Variants in ASNSD1 observed in about 807,000 individuals in gnomAD.
ASNSD1 encodes the protein asparagine synthetase domain-containing protein 1.
In ASNSD1, 36 loss-of-function variants were observed where a neutral mutation model predicts 48.3. The observed-to-expected ratio is 0.75, with a 90% confidence interval of 0.57 to 0.99. The LOEUF is 0.99. Ranked by LOEUF, ASNSD1 falls within the 50% of genes least tolerant of loss-of-function variation. The pLI is 0.00. For missense variants in ASNSD1, 714 were observed against 758.2 expected, an observed-to-expected ratio of 0.94 and a Z score of 0.69; for synonymous variants, 257 against 262.1, an observed-to-expected ratio of 0.98 and a Z score of 0.19.
chr2:189,663,747 A>G (rs2032726450), intron 1 of ASNSD1, among the ~76,000 whole-genome samples, 154 bp from the exon 2 acceptor site: 1 of 152,208 alleles, frequency 6.6e-6, no homozygotes, highest in East Asian at 1.9e-4. Flanking sequence ...ACTCCTGTTG[A>G]AAATGATCTG....
At chr2:189,665,205 A>G (rs2032757920) in intron 2 of ASNSD1, among the ~76,000 whole-genome samples, 171 bp from the exon 3 acceptor site, 1 of 152,038 alleles carries the variant, frequency 6.6e-6, no homozygotes, top group Non-Finnish European at 1.5e-5. Flanking sequence ...CAGTAGTAGC[A>G]ATTTCTGGTA....
chr2:189,667,911 G>A lies in ASNSD1; in HGVS notation c.1612G>A (p.Asp538Asn), dbSNP rs1335743053. Residue 538 changes from aspartate (D) to asparagine (N), a missense_variant, in exon 5 of 6, where the codon GAC (aspartate) becomes AAC (asparagine). Transcript: ENST00000260952. The stretch of plus-strand genomic sequence containing the variant: ...TTCTTCTAGAAATCTTGGTCGTGAT[G>A]ACAGAGTTATTGGTGATCATGGAAA... ...RISSRNLGRD[D>N]RVIGDHGKEA... is the part of the protein sequence containing the mutation. 2.5e-6 allele frequency: 4 copies of A among 1,613,410 alleles called. No homozygotes were observed. Among genetic ancestry groups the A allele is most frequent in the Non-Finnish European group, 3.4e-6 (4 of 1,179,858 alleles).
intron 1 of ASNSD1, among the ~76,000 whole-genome samples, chr2:189,662,468 G>A (rs1486107535): frequency 6.6e-6 from 1 of 152,152 alleles, no homozygotes; most frequent in African/African-American, 2.4e-5. Context: ...TAAATGTTAA[G>A]TCTCAAAGAA....
intron 1 of ASNSD1, among the ~76,000 whole-genome samples, chr2:189,661,819 C>A (rs943849226): frequency 2.6e-5 from 4 of 152,182 alleles, no homozygotes; most frequent in Non-Finnish European, 5.9e-5. Context: ...TGAAATTTGT[C>A]CCGAGACTGG....
chr2:189,664,896 G>A (rs2032750231), intron 2 of ASNSD1, among the ~76,000 whole-genome samples: 1 of 152,192 alleles, frequency 6.6e-6, no homozygotes, highest in Admixed American at 6.5e-5. Flanking sequence ...TCATGGTAGT[G>A]CACAAAGATT....
In ASNSD1 at chr2:189,666,649, G is replaced by T; in HGVS notation, c.517G>T (p.Val173Phe). 4 of 1,614,166 alleles carry T rather than the reference G, an allele frequency of 2.5e-6. No homozygotes were observed. The highest frequency in any genetic ancestry group is 2.2e-5 in the East Asian group (1 of 44,888). ...TGGATTGGCAAATCAGTGGCAAGAA[G>T]TTCCAGCATCTGGACTTTTCAGAAT... ...TSGLANQWQE[V>F]PASGLFRIDL... Residue 173 changes from valine to phenylalanine, a missense_variant, in exon 4 of 6, where the codon GTT becomes TTT. Coordinates refer to ENST00000260952, the MANE Select transcript of ASNSD1 (RefSeq NM_019048.4).
chr2:189,669,658 T>C (rs2032888681), intron 5 of ASNSD1, among the ~76,000 whole-genome samples: 1 of 152,220 alleles, frequency 6.6e-6, no homozygotes, highest in South Asian at 2.1e-4. Flanking sequence ...CTAGTGTAAC[T>C]GTATTGCATT....
intron 5 of ASNSD1, among the ~76,000 whole-genome samples, chr2:189,669,788 T>C (rs1461818359): frequency 6.6e-6 from 1 of 152,132 alleles, no homozygotes; most frequent in African/African-American, 2.4e-5. Context: ...TGTTTCTAGG[T>C]CATCCCAGAA....
intron 2 of ASNSD1, 135 bp downstream of exon 2, chr2:189,664,089 T>C: frequency 3.0e-6 from 1 of 328,760 alleles, no homozygotes; most frequent in Non-Finnish European, 5.5e-6. Context: ...TCTTTTAAAA[T>C]TGCAAGTGTC....
chr2:189,666,304 G>T lies in ASNSD1; in HGVS notation c.172G>T (p.Gly58Cys). The T allele has an allele frequency of 6.2e-7, 1 of 1,613,956 alleles. No individual in the cohort carries two copies. The highest frequency in any genetic ancestry group is 8.5e-7 in the Non-Finnish European group (1 of 1,179,934). ...LFSAHVLHLR[G>C]VLTTQPVEDE... ...TTCTGCTCACGTCCTACACTTGAGG[G>T]GTGTTTTGACTACCCAGCCTGTGGA... is the stretch of plus-strand genomic sequence containing the variant. Residue 58 changes from glycine (G) to cysteine (C), a missense_variant, in exon 4 of 6, where the codon GGT becomes TGT. By Grantham distance (159) the Gly-to-Cys change is radical. Transcript: ENST00000260952.
chr2:189,663,241 T>A (rs531564297), intron 1 of ASNSD1, among the ~76,000 whole-genome samples: 2,897 of 151,388 alleles, frequency 0.019, 87 homozygotes, highest in African/African-American at 0.064. Flanking sequence ...ATATATATAT[T>A]TTTTAAATTA....
chr2:189,667,829 T>C lies in ASNSD1; in HGVS notation c.1530T>C (p.Phe510=). The C allele has an allele frequency of 6.2e-7, 1 of 1,614,108 alleles. No homozygotes were observed. Among genetic ancestry groups the C allele is most frequent in the Non-Finnish European group, 8.5e-7 (1 of 1,180,012 alleles). The change falls in exon 5 of 6, where the codon TTT becomes TTC. Residue 510 remains phenylalanine, a synonymous_variant. Coordinates refer to ENST00000260952, the MANE Select transcript of ASNSD1 (RefSeq NM_019048.4). Reference sequence around the variant, plus strand: ...GTTATTCTCGTCATCGTGTCCGCTTTCAGTCGCATGGGCTGGAAGGATTGA... The same window carrying C: ...GTTATTCTCGTCATCGTGTCCGCTTCCAGTCGCATGGGCTGGAAGGATTGA... The part of the protein sequence containing the change: ...LAGYSRHRVR[F]QSHGLEGLNK...
In ASNSD1 at chr2:189,666,146, G is replaced by A. The variant is rs546441433; in HGVS notation, c.14G>A (p.Cys5Tyr). 2 of 1,570,110 alleles carry A rather than the reference G, an allele frequency of 1.3e-6. No individual in the cohort carries two copies. Among genetic ancestry groups the A allele is most frequent in the Non-Finnish European group, 1.7e-6 (2 of 1,159,810 alleles). ...TTTCACATAACAATGTGTGGCATTT[G>A]TTGTTCTGTAAACTTTTCTGCTGAG... MCGICCSVNFSAEHF... is the reference protein window; with the variant it reads MCGIYCSVNFSAEHF... The change falls in exon 4 of 6, where the codon TGT (cysteine) becomes TAT (tyrosine). Residue 5 changes from cysteine to tyrosine, a missense_variant. Physicochemically the swap from Cys to Tyr is radical, Grantham distance 194 (BLOSUM62 -2). Coordinates refer to ENST00000260952, the MANE Select transcript of ASNSD1 (RefSeq NM_019048.4).
At position 189,670,652 on chromosome 2, in the gene ASNSD1, G is replaced by C. The variant is rs554892022; in HGVS notation, c.1858G>C (p.Ala620Pro). 4 of 1,613,706 alleles carry C rather than the reference G, an allele frequency of 2.5e-6. 1 individual carries two copies. Among genetic ancestry groups the C allele is most frequent in the South Asian group, 2.2e-5 (2 of 91,034 alleles). ...AAAAATGGAAAAAATTAATGAAAAG[G>C]CATCTGATAAATGTGGACGGCTCCA... ...IAKMEKINEKASDKCGRLQIM... is the reference protein window; with the variant it reads ...IAKMEKINEKPSDKCGRLQIM... Residue 620 changes from alanine (A) to proline (P), a missense_variant, in exon 6 of 6, where the codon GCA becomes CCA. Physicochemically the swap from Ala to Pro is conservative, Grantham distance 27 (BLOSUM62 -1). Transcript: ENST00000260952.
Position 189,667,170 on chromosome 2 carries a change from T to G in ASNSD1, c.1038T>G (p.Asp346Glu). Residue 346 changes from aspartate to glutamate, a missense_variant, in exon 4 of 6, where the codon GAT (aspartate) becomes GAG (glutamate). By Grantham distance (45) the Asp-to-Glu change is conservative (BLOSUM62 2). Transcript: ENST00000260952. Reference sequence around the variant, plus strand: ...TTGCTGACCGTCATATTCCTTTAGATGAACCAATTGATCTTCTTAATGTAG... The same window carrying G: ...TTGCTGACCGTCATATTCCTTTAGAGGAACCAATTGATCTTCTTAATGTAG... The part of the protein sequence containing the change: ...ATLADRHIPL[D>E]EPIDLLNVAF... The G allele has an allele frequency of 6.2e-7, 1 of 1,614,244 alleles. No individual in the cohort carries two copies. The highest frequency in any genetic ancestry group is 2.2e-5 in the East Asian group (1 of 44,888).
In ASNSD1 at chr2:189,663,944, A is replaced by G. The variant is rs2032730325; in HGVS notation, c.-179A>G. ...GTGGTGGATGAACTTTCTAACCTTAAGAAGAATAGGGTGAGTTATTATAGG... is the reference window on the plus strand; with the variant it reads ...GTGGTGGATGAACTTTCTAACCTTAGGAAGAATAGGGTGAGTTATTATAGG... On this transcript the variant is annotated 5_prime_UTR_variant, in exon 2 of 6. Coordinates refer to ENST00000260952, the MANE Select transcript of ASNSD1 (RefSeq NM_019048.4). The G allele has an allele frequency of 5.2e-6, 2 of 388,278 alleles. No individual in the cohort carries two copies. Among genetic ancestry groups the G allele is most frequent in the Non-Finnish European group, 9.1e-6 (2 of 218,692 alleles). The allele number at this position is 388,278 out of a possible 1,614,324, so 24.1% of individuals were successfully genotyped here. A position where few individuals can be genotyped will look rare whatever the true frequency, so the allele number is the denominator to read the frequency against.
chr2:189,662,094 C>G (rs1430359228), intron 1 of ASNSD1, among the ~76,000 whole-genome samples: 1 of 152,176 alleles, frequency 6.6e-6, no homozygotes, highest in African/African-American at 2.4e-5. Context: ...CTATCGGGAC[C>G]CCTGCCCCCG....
At chr2:189,668,133 C>A (rs544095156) in intron 5 of ASNSD1, among the ~76,000 whole-genome samples, 188 bp downstream of exon 5, 46 of 152,274 alleles carry the variant, frequency 3.0e-4, no homozygotes, top group African/African-American at 1.1e-3. Flanking sequence ...CATTTATTTT[C>A]TAGAACTCAT....
In ASNSD1 at chr2:189,667,199, T is replaced by A; in HGVS notation, c.1067T>A (p.Phe356Tyr). 6.2e-7 allele frequency: 1 copy of A among 1,614,202 alleles called. No homozygotes were observed. Among genetic ancestry groups the A allele is most frequent in the Non-Finnish European group, 8.5e-7 (1 of 1,180,028 alleles). ...CCAATTGATCTTCTTAATGTAGCTT[T>A]CATAGCTGAAGAAAAGACCATGCCA... ...DEPIDLLNVA[F>Y]IAEEKTMPTT... Residue 356 changes from phenylalanine (F) to tyrosine (Y), a missense_variant, in exon 4 of 6, where the codon TTC (phenylalanine) becomes TAC (tyrosine). Physicochemically the swap from Phe to Tyr is conservative, Grantham distance 22. Coordinates refer to ENST00000260952, the MANE Select transcript of ASNSD1 (RefSeq NM_019048.4).
Sources: gnomAD v4.1 joint callset for allele counts (sites outside exome capture counted in the v4.1 genomes callset) on GRCh38, gnomAD v4.1.1 for gene constraint, MANE v1.5 for transcripts, NCBI Gene and HGNC (gene_info 2026-07-23, HGNC 2026-07-21) for gene names.